The following MICAL2 variants were observed in gnomAD, a reference collection of about 807,000 sequenced individuals.
The protein encoded by MICAL2 is [F-actin]-monooxygenase MICAL2.
A neutral mutation model predicts 127.3 loss-of-function variants in MICAL2; 77 were observed. The ratio of observed to expected loss-of-function variants is 0.60; its 90% CI spans 0.50 to 0.73. The LOEUF (loss-of-function observed/expected upper bound fraction) is 0.73, where lower values mean the gene tolerates loss of function less well. Among genes scored for constraint, MICAL2 ranks in the 30% least tolerant of loss-of-function variants. MICAL2 has a pLI of 0.00. For missense variants in MICAL2, 1,351 were observed against 1,434.4 expected (o/e 0.94, Z 0.94); for synonymous variants, 570 against 551.1 (o/e 1.03, Z -0.48).
intron 2 of MICAL2, among the ~76,000 whole-genome samples, chr11:12,144,515 G>A (rs756586535): frequency 6.6e-6 from 1 of 152,132 alleles, no homozygotes; most frequent in Non-Finnish European, 1.5e-5. Flanking sequence ...TCAGGAATGT[G>A]GCCTCTGAGT....
chr11:12,190,660 A>G (rs868676985), intron 3 of MICAL2, among the ~76,000 whole-genome samples: 2 of 152,336 alleles, frequency 1.3e-5, no homozygotes, highest in African/African-American at 2.4e-5. Flanking sequence ...GCCTGTCAGC[A>G]TTTCTAATCA....
chr11:12,162,085 C>T lies in MICAL2; in HGVS notation c.-71C>T, dbSNP rs978812208. 18 of 1,593,442 alleles carry T rather than the reference C, an allele frequency of 1.1e-5. No individual in the cohort carries two copies. Among genetic ancestry groups the T allele is most frequent in the African/African-American group, 4.0e-5 (3 of 74,526 alleles). The stretch of plus-strand genomic sequence containing the variant: ...CCTCCCCCTACTTTCACAGGTGTGA[C>T]GTTTCTCCAGATACTTCATGCTGTT... On this transcript the variant is annotated 5_prime_UTR_variant, in exon 3 of 28. The change creates a new upstream start codon in the 5' untranslated region. Coordinates refer to ENST00000683283, the MANE Select transcript of MICAL2 (RefSeq NM_001282663.2).
chr11:12,294,238 A>G (rs1388263425), downstream of MICAL2: 2 of 1,614,014 alleles, frequency 1.2e-6, no homozygotes, highest in African/African-American at 1.3e-5. Flanking sequence ...CCAAGTCCCC[A>G]CTGCGGCTCA....
chr11:12,188,082 A>T (rs973595889), intron 3 of MICAL2, among the ~76,000 whole-genome samples: 6 of 152,148 alleles, frequency 3.9e-5, no homozygotes, highest in African/African-American at 7.2e-5. Context: ...GGGAGTCACA[A>T]GCCACGTGGC....
intron 3 of MICAL2, among the ~76,000 whole-genome samples, chr11:12,174,596 T>TG: frequency 6.8e-6 from 1 of 147,614 alleles, no homozygotes; most frequent in Non-Finnish European, 1.5e-5. Context: ...GGAACCCTTG[T>TG]TTTTTTTTTT....
chr11:12,181,638 C>G (rs2133952260), intron 3 of MICAL2, among the ~76,000 whole-genome samples: 1 of 152,294 alleles, frequency 6.6e-6, no homozygotes, highest in South Asian at 2.1e-4. Context: ...TGAAACCAAA[C>G]TTTTCTGCTT....
intron 3 of MICAL2, among the ~76,000 whole-genome samples, chr11:12,184,369 A>G (rs1162943388): frequency 1.3e-5 from 2 of 152,188 alleles, no homozygotes; most frequent in African/African-American, 2.4e-5. Context: ...AAGTACGGGC[A>G]TCTGTGTCCC....
At chr11:12,121,994 C>A (rs974238631) in intron 1 of MICAL2, among the ~76,000 whole-genome samples, 14 of 152,176 alleles carry the variant, frequency 9.2e-5, no homozygotes, top group African/African-American at 3.4e-4. Flanking sequence ...CATATGAGAA[C>A]AAGCTGATTT....
chr11:12,160,808 T>A (rs1854695953), intron 2 of MICAL2, among the ~76,000 whole-genome samples: 1 of 152,230 alleles, frequency 6.6e-6, no homozygotes, highest in Non-Finnish European at 1.5e-5. Flanking sequence ...GCCTACGTAT[T>A]CCCGGCCCCT....
At position 12,239,419 on chromosome 11, in the gene MICAL2, C is replaced by G; in HGVS notation, c.2065-17C>G. ...TTCCAGGATCCAACCATCAGTGTCC[C>G]GTTTCAACCTTTGCAGCCTTCAAAC... On this transcript the variant is annotated splice_polypyrimidine_tract_variant and intron_variant, in intron 16 of 27. Transcript: ENST00000683283. The G allele has an allele frequency of 6.2e-7, 1 of 1,613,702 alleles. No homozygotes were observed. Among genetic ancestry groups the G allele is most frequent in the Non-Finnish European group, 8.5e-7 (1 of 1,180,006 alleles).
chr11:12,242,945 A>C, intron 20 of MICAL2, 173 bp downstream of exon 20: 1 of 504,916 alleles, frequency 2.0e-6, no homozygotes, highest in Non-Finnish European at 3.4e-6. Flanking sequence ...AAAGACCCAA[A>C]TGCGAAGATT....
chr11:12,220,786 G>C (rs1856726865), intron 9 of MICAL2, among the ~76,000 whole-genome samples: 1 of 152,202 alleles, frequency 6.6e-6, no homozygotes, highest in African/African-American at 2.4e-5. Context: ...CAGCTGGGCC[G>C]AGACTTCTTC....
intron 29 of MICAL2, among the ~76,000 whole-genome samples, chr11:12,300,764 C>T (rs931021477): frequency 6.6e-6 from 1 of 152,194 alleles, no homozygotes; most frequent in African/African-American, 2.4e-5. Context: ...TTATAAGACC[C>T]TGAGCAAAGG....
upstream of MICAL2, chr11:12,274,321 G>A (rs987873059): frequency 1.3e-5 from 2 of 152,182 alleles, no homozygotes; most frequent in African/African-American, 4.8e-5. Flanking sequence ...GACACTCACT[G>A]AACGCCTACC....
At chr11:12,294,173 G>A, downstream of MICAL2, 1 of 1,614,052 alleles carries the variant, frequency 6.2e-7, no homozygotes, top group Non-Finnish European at 8.5e-7. Flanking sequence ...AGGGGCCCAG[G>A]AGAAGATGGG....
downstream of MICAL2, among the ~76,000 whole-genome samples, chr11:12,266,066 C>T (rs1050626285): frequency 6.6e-6 from 1 of 152,172 alleles, no homozygotes; most frequent in Admixed American, 6.5e-5. Flanking sequence ...GAGCTGAGAT[C>T]ATGCCACTGC....
At chr11:12,344,738 T>A (rs1938926283) in intron 32 of MICAL2, among the ~76,000 whole-genome samples, 1 of 150,170 alleles carries the variant, frequency 6.7e-6, no homozygotes, top group South Asian at 2.1e-4. Flanking sequence ...TGACCCCAGA[T>A]GATCCACTCA....
rs1859998653 is a variant in MICAL2, at chr11:12,196,811, CT to C, written c.265-7436del. Among the ~76,000 whole-genome samples the C allele has an allele frequency of 1.3e-5, 2 of 152,174 alleles. 1 individual carries two copies. Among genetic ancestry groups the C allele is most frequent in the African/African-American group, 4.8e-5 (2 of 41,430 alleles). Reference sequence around the variant, plus strand: ...TCTGGCTCTTTCTTTCTCTTTCTCTCTTTCTTTCTCTACTCTCCTGGTTTCA... The same window carrying C: ...TCTGGCTCTTTCTTTCTCTTTCTCTCTTCTTTCTCTACTCTCCTGGTTTCA... On this transcript the variant is annotated intron_variant, in intron 3 of 27. Transcript: ENST00000683283.
rs771136798 is a variant in MICAL2 at position 12,236,213 on chromosome 11, C to T, written c.2032C>T (p.Arg678Trp). The T allele has an allele frequency of 6.2e-6, 10 of 1,614,172 alleles. No individual in the cohort carries two copies. Among genetic ancestry groups the T allele is most frequent in the East Asian group, 2.2e-5 (1 of 44,876 alleles). ...AACCGGAGAGAATGACATGAACAAA[C>T]GGAGACGGAAGGGCTTCACCAACCT... is the stretch of plus-strand genomic sequence containing the variant. ...GQTGENDMNK[R>W]RRKGFTNLDE... Residue 678 changes from arginine (R) to tryptophan (W), a missense_variant, in exon 16 of 28, where the codon CGG becomes TGG. Arg to Trp is a moderately radical substitution (Grantham distance 101, BLOSUM62 -3). Around this residue, in one of 2 missense-constraint regions of MICAL2, gnomAD observed 752 missense variants for 719.4 expected, o/e 1.05. Coordinates refer to ENST00000683283, the MANE Select transcript of MICAL2 (RefSeq NM_001282663.2).
Sources: gnomAD v4.1 joint callset for allele counts (sites outside exome capture counted in the v4.1 genomes callset) on GRCh38, gnomAD v4.1.1 for gene constraint, gnomAD v4.1.1 regional missense constraint, MANE v1.5 for transcripts, NCBI Gene and HGNC (gene_info 2026-07-23, HGNC 2026-07-21) for gene names.